GPR158: variants seen among roughly 807,000 people sequenced by gnomAD.
GPR158 encodes G protein-coupled receptor 158.
GPR158 carries 30 observed loss-of-function variants against 78.2 expected under a neutral mutation model. The ratio of observed to expected loss-of-function variants is 0.38; its 90% confidence interval spans 0.29 to 0.52. GPR158 has a LOEUF of 0.52. Ranked by LOEUF, GPR158 falls within the 20% of genes least tolerant of loss-of-function variation. GPR158 has a pLI of 0.83. For synonymous variants in GPR158, 581 were observed against 591.1 expected (o/e 0.98, Z 0.25); for missense variants, 1,463 against 1,523.5 (o/e 0.96, Z 0.66).
chr10:25,588,723 G>T (rs1187766403), intron 7 of GPR158, among the ~76,000 whole-genome samples: 1 of 152,050 alleles, frequency 6.6e-6, no homozygotes, highest in Non-Finnish European at 1.5e-5. Flanking sequence ...GTGGTTTTCA[G>T]AAAAAGCAAG....
In GPR158 at chr10:25,235,426, CTT is replaced by C. The variant is rs148749730; in HGVS notation, c.1008+14282_1008+14283del. ...TCTCACATGGTTATTTCTCTTCTTC[CTT>C]TTTTTTTTTTTTAATGGCAAGAGCA... On this transcript the variant is annotated intron_variant, in intron 2 of 10. Transcript: ENST00000376351. 7.3e-3 allele frequency among the ~76,000 whole-genome samples: 1,006 copies of C among 137,668 alleles called. 7 individuals carry two copies. Among genetic ancestry groups the C allele is most frequent in the East Asian group, 0.019 (93 of 4,812 alleles). 90.3% of individuals were successfully genotyped at this position (137,668 alleles called of 152,430 possible).
intron 2 of GPR158, among the ~76,000 whole-genome samples, chr10:25,325,902 A>AT (rs34026835): frequency 1.8e-3 from 260 of 144,142 alleles, no homozygotes; most frequent in East Asian, 5.2e-3. Context: ...GGCCATTTGT[A>AT]TTTTTTTTTT....
Position 25,387,601 on chromosome 10 carries a change from C to T in GPR158, c.1009-8310C>T, listed in dbSNP as rs544646456. Among the ~76,000 whole-genome samples the T allele has an allele frequency of 1.6e-4, 25 of 151,550 alleles. No individual in the cohort carries two copies. The South Asian group carries it at 4.6e-3, about 28-fold the overall frequency. On this transcript the variant is annotated intron_variant, in intron 2 of 10. Coordinates refer to ENST00000376351, the MANE Select transcript of GPR158 (RefSeq NM_020752.3). ...CATGATCTTGGCTCACTGCAACCTC[C>T]GCCTCCTGGGTTCAAGTGATTCTTG...
At chr10:25,441,390 A>G in intron 4 of GPR158, among the ~76,000 whole-genome samples, 1 of 152,152 alleles carries the variant, frequency 6.6e-6, no homozygotes, top group East Asian at 1.9e-4. Context: ...TCTGCTTTGT[A>G]ATTCATTCCA....
intron 4 of GPR158, among the ~76,000 whole-genome samples, chr10:25,438,884 AT>A (rs1343841819): frequency 6.6e-6 from 1 of 152,206 alleles, no homozygotes; most frequent in Non-Finnish European, 1.5e-5. Context: ...TAGAAAAAAA[AT>A]CAAATGAGAA....
chr10:25,575,321 G>A (rs1277876866), intron 7 of GPR158, among the ~76,000 whole-genome samples: 1 of 152,110 alleles, frequency 6.6e-6, no homozygotes, highest in Non-Finnish European at 1.5e-5. Context: ...TGACTATAAG[G>A]ATGTATTTTG....
Position 25,372,068 on chromosome 10 carries a change from AAAG to A in GPR158, c.1009-23838_1009-23836del, listed in dbSNP as rs1259978503. Among the ~76,000 whole-genome samples, 78 of 142,838 alleles carry A rather than the reference AAAG, an allele frequency of 5.5e-4. 2 individuals carry two copies. The South Asian group carries it at 0.018, about 33-fold the overall frequency. The allele number at this position is 142,838 out of a possible 152,430, so 93.7% of individuals were successfully genotyped here. On this transcript the variant is annotated intron_variant, in intron 2 of 10. Coordinates refer to ENST00000376351, the MANE Select transcript of GPR158 (RefSeq NM_020752.3). ...GAAGGACATGAACAGACACTTCTCAAAAGAAGACATTTATGCAGCCAAAAAACA... is the reference window on the plus strand; with the variant it reads ...GAAGGACATGAACAGACACTTCTCAAAAGACATTTATGCAGCCAAAAAACA...
chr10:25,476,060 AC>A (rs1167943703), intron 5 of GPR158: 1 of 152,120 alleles, frequency 6.6e-6, no homozygotes, highest in Non-Finnish European at 1.5e-5. Context: ...ATGAGGACAA[AC>A]CAAAATCTGA....
chr10:25,560,125 T>C (rs761359658), intron 6 of GPR158, among the ~76,000 whole-genome samples: 7 of 152,220 alleles, frequency 4.6e-5, no homozygotes, highest in Non-Finnish European at 7.3e-5. Flanking sequence ...GCAGTCAAAC[T>C]CAGCAACTGT....
chr10:25,572,811 T>C lies in GPR158; in HGVS notation c.1677T>C (p.Ile559=). 6.2e-7 allele frequency: 1 copy of C among 1,614,012 alleles called. No individual in the cohort carries two copies. Among genetic ancestry groups the C allele is most frequent in the Non-Finnish European group, 8.5e-7 (1 of 1,179,900 alleles). The change falls in exon 7 of 11, where the codon ATT becomes ATC. Residue 559 remains isoleucine (I), a synonymous_variant. Transcript: ENST00000376351. ...ATTTGGAGAAACAGATTTCACTTAT[T>C]GGCCAGGGGAAAACATCCGATCACC... ...CQNLEKQISL[I]GQGKTSDHLI...
rs138446021 is a variant in GPR158 at position 25,356,643 on chromosome 10, G to A, written c.1009-39268G>A. On this transcript the variant is annotated intron_variant, in intron 2 of 10. Coordinates refer to ENST00000376351, the MANE Select transcript of GPR158 (RefSeq NM_020752.3). ...ACAAGCTCCTTTTGCATGCTGCTGTGCACATAAGATGTGACTTGCTCATCC... is the reference window on the plus strand; with the variant it reads ...ACAAGCTCCTTTTGCATGCTGCTGTACACATAAGATGTGACTTGCTCATCC... 4.9e-3 allele frequency among the ~76,000 whole-genome samples: 742 copies of A among 152,166 alleles called. 10 individuals are homozygous for A. Among genetic ancestry groups the A allele is most frequent in the African/African-American group, 0.016 (683 of 41,544 alleles).
At chr10:25,430,201 T>A (rs1834881162) in intron 4 of GPR158, among the ~76,000 whole-genome samples, 1 of 152,114 alleles carries the variant, frequency 6.6e-6, no homozygotes, top group South Asian at 2.1e-4. Context: ...ATCACAAGCA[T>A]TCTTATACAC....
chr10:25,431,573 G>A (rs10430566), intron 4 of GPR158, among the ~76,000 whole-genome samples: 7,654 of 123,220 alleles, frequency 0.062, 275 homozygotes, highest in East Asian at 0.088. Flanking sequence ...TGTTTATTGT[G>A]GCACTATTCA....
intron 4 of GPR158, among the ~76,000 whole-genome samples, chr10:25,455,920 G>A (rs1323038166): frequency 6.6e-6 from 1 of 152,040 alleles, no homozygotes; most frequent in Non-Finnish European, 1.5e-5. Flanking sequence ...ATTCAATGTG[G>A]ACTAAATTTT....
intron 4 of GPR158, among the ~76,000 whole-genome samples, chr10:25,430,169 G>C (rs1345288831): frequency 2.6e-5 from 4 of 152,082 alleles, no homozygotes; most frequent in Non-Finnish European, 5.9e-5. Context: ...AAAGTCTCAG[G>C]ATACAAAATC....
chr10:25,325,921 A>T (rs1479078975), intron 2 of GPR158, among the ~76,000 whole-genome samples: 19 of 148,540 alleles, frequency 1.3e-4, no homozygotes, highest in African/African-American at 4.6e-4. Context: ...TTTTTTGAGA[A>T]ATGTCTATTC....
intron 2 of GPR158, among the ~76,000 whole-genome samples, chr10:25,304,004 A>G (rs148971916): frequency 6.6e-5 from 10 of 152,304 alleles, no homozygotes; most frequent in Non-Finnish European, 1.2e-4. Context: ...TGTGGTGCCT[A>G]TATATGAAGA....
rs1408980494 is a variant in GPR158, at chr10:25,176,570, T to G, written c.902+248T>G. ...TTCTCTCGGACCAGTTTCCCCGCAC[T>G]GGGCGAGGGACAGGCAGCCCTTGGC... On this transcript the variant is annotated intron_variant, in intron 1 of 10. Coordinates refer to ENST00000376351, the MANE Select transcript of GPR158 (RefSeq NM_020752.3). The surrounding 1 kb of genome is among the most constrained non-coding windows in gnomAD (Gnocchi z 6.3). 6.6e-6 allele frequency among the ~76,000 whole-genome samples: 1 copy of G among 152,186 alleles called. No homozygotes were observed. The highest frequency in any genetic ancestry group is 1.5e-5 in the Non-Finnish European group (1 of 68,034).
intron 4 of GPR158, among the ~76,000 whole-genome samples, chr10:25,432,277 C>T (rs976918990): frequency 1.3e-4 from 10 of 77,250 alleles, no homozygotes; most frequent in African/African-American, 3.1e-4. Flanking sequence ...ATGGCATGTA[C>T]GTCCATAAAA....
Sources: gnomAD v4.1 joint callset for allele counts (sites outside exome capture counted in the v4.1 genomes callset) on GRCh38, gnomAD v4.1.1 for gene constraint, Gnocchi (gnomAD v3.1) non-coding constraint, MANE v1.5 for transcripts, NCBI Gene and HGNC (gene_info 2026-07-23, HGNC 2026-07-21) for gene names.